JPH3: variants seen among roughly 807,000 people sequenced by gnomAD.
JPH3 encodes junctophilin 3.
Under a neutral mutation model 59.6 loss-of-function variants are expected in JPH3, and 11 were observed. That is an observed-to-expected ratio of 0.18 (90% CI 0.12 to 0.31). The LOEUF is 0.31. Ranked by LOEUF, JPH3 falls within the 10% of genes least tolerant of loss-of-function variation. The probability of loss-of-function intolerance (pLI) is 1.00; values close to 1 mark genes in which losing one functional copy is unlikely to be tolerated. For synonymous variants in JPH3, 673 were observed against 483.6 expected (o/e 1.39, Z -5.14); for missense variants, 1,202 against 1,105.7 (o/e 1.09, Z -1.24).
rs9934067 is a variant in JPH3 at position 87,644,470 on chromosome 16, G to T, written c.595G>T (p.Val199Leu). Residue 199 changes from valine to leucine, a missense_variant, in exon 2 of 5, where the codon GTG (valine) becomes TTG (leucine). Physicochemically the swap from Val to Leu is conservative, Grantham distance 32. Coordinates refer to ENST00000284262, the MANE Select transcript of JPH3 (RefSeq NM_020655.4). ...CGTGTCCCGCGGGGGCTTCGTGCTC[G>T]TGGCCCACAGTGACTCCGAGATCCT... Reference protein sequence around the residue: ...PAVSRGGFVLVAHSDSEILKS... With the variant: ...PAVSRGGFVLLAHSDSEILKS... The T allele has an allele frequency of 1.2e-6, 2 of 1,612,590 alleles. No individual in the cohort carries two copies. The highest frequency in any genetic ancestry group is 2.7e-5 in the African/African-American group (2 of 74,928).
intron 2 of JPH3, among the ~76,000 whole-genome samples, chr16:87,679,138 G>C (rs2150871550): frequency 6.6e-6 from 1 of 152,348 alleles, no homozygotes; most frequent in Admixed American, 6.5e-5. Context: ...AGGCTCAGCT[G>C]AGAGCTCCTC....
At chr16:87,607,339 C>G (rs2030559324) in intron 1 of JPH3, among the ~76,000 whole-genome samples, 1 of 152,208 alleles carries the variant, frequency 6.6e-6, no homozygotes, top group African/African-American at 2.4e-5. Flanking sequence ...CATCTCACGC[C>G]CAAGCCTCTC....
At chr16:87,641,656 T>C (rs2031956858) in intron 1 of JPH3, among the ~76,000 whole-genome samples, 2 of 152,246 alleles carry the variant, frequency 1.3e-5, no homozygotes, top group Admixed American at 6.5e-5. Context: ...AGAGGCTGCG[T>C]TGCCGATTCC....
intron 2 of JPH3, among the ~76,000 whole-genome samples, chr16:87,663,738 C>T (rs1225993452): frequency 6.6e-6 from 1 of 152,218 alleles, no homozygotes; most frequent in Non-Finnish European, 1.5e-5. Context: ...ACCAGCTCTC[C>T]AGCCCACCTC....
At chr16:87,663,865 C>G (rs1383894401) in intron 2 of JPH3, among the ~76,000 whole-genome samples, 2 of 150,172 alleles carry the variant, frequency 1.3e-5, no homozygotes, top group African/African-American at 5.1e-5. Context: ...TTTTGAGTGC[C>G]CTTTCCCTAA....
chr16:87,635,317 G>T (rs1037199329), intron 1 of JPH3, among the ~76,000 whole-genome samples: 2 of 152,196 alleles, frequency 1.3e-5, no homozygotes, highest in African/African-American at 4.8e-5. Flanking sequence ...TGGGACCCCG[G>T]GCTCCGAAAC....
intron 1 of JPH3, among the ~76,000 whole-genome samples, chr16:87,638,657 C>T (rs905970120): frequency 1.3e-5 from 2 of 151,916 alleles, no homozygotes; most frequent in African/African-American, 2.4e-5. Context: ...TACCGGGACC[C>T]GGGGTCCCTG....
intron 1 of JPH3, among the ~76,000 whole-genome samples, chr16:87,618,578 T>C (rs961085972): frequency 5.9e-5 from 9 of 152,178 alleles, no homozygotes; most frequent in African/African-American, 1.7e-4. Context: ...CCCCAGCCTT[T>C]TTCCACCTGG....
At chr16:87,680,352 C>CTGCGCCCGGAAGGAAGCGGTA (rs1555542427) in intron 2 of JPH3, among the ~76,000 whole-genome samples, 1 of 150,922 alleles carries the variant, frequency 6.6e-6, no homozygotes, top group African/African-American at 2.4e-5. Context: ...TGTGGAGGGG[C>CTGCGCCCGGAAGGAAGCGGTA]TGCGCCCGGA....
At chr16:87,620,288 G>T (rs1205646594) in intron 1 of JPH3, among the ~76,000 whole-genome samples, 6 of 151,434 alleles carry the variant, frequency 4.0e-5, no homozygotes, top group African/African-American at 1.5e-4. Context: ...GGCCAGGGGG[G>T]TGGGGCTGCA....
intron 3 of JPH3, among the ~76,000 whole-genome samples, chr16:87,688,201 AC>A (rs2033464719): frequency 6.6e-6 from 1 of 150,790 alleles, no homozygotes; most frequent in African/African-American, 2.4e-5. Flanking sequence ...GCCCACCCAC[AC>A]CCCCGTGTGA....
rs1597310906 is a variant in JPH3, at chr16:87,697,168, A to C, written c.*508A>C. 1 of 181,144 alleles carries C rather than the reference A, an allele frequency of 5.5e-6. No individual in the cohort carries two copies. Among genetic ancestry groups the C allele is most frequent in the Non-Finnish European group, 1.2e-5 (1 of 84,892 alleles). 11.2% of individuals were successfully genotyped at this position (181,144 alleles called of 1,614,324 possible). A position where few individuals can be genotyped will look rare whatever the true frequency, so the allele number is the denominator to read the frequency against. ...CAGGAGGCATGGGGCAGGGTGGCCC[A>C]CCCCAGTGGGCAGTAGCCTGGCCTT... On this transcript the variant is annotated 3_prime_UTR_variant, in exon 5 of 5. Transcript: ENST00000284262.
chr16:87,617,738 C>T (rs2031024997), intron 1 of JPH3, among the ~76,000 whole-genome samples: 1 of 151,862 alleles, frequency 6.6e-6, no homozygotes, highest in African/African-American at 2.4e-5. Flanking sequence ...GGTGCAGGAG[C>T]TGAGAGTCAC....
chr16:87,640,015 C>T (rs572436143), intron 1 of JPH3, among the ~76,000 whole-genome samples: 1 of 152,204 alleles, frequency 6.6e-6, no homozygotes, highest in Admixed American at 6.5e-5. Context: ...CCAGGGTCAT[C>T]CTCCACTTTG....
At chr16:87,624,661 C>T (rs1022423796) in intron 1 of JPH3, among the ~76,000 whole-genome samples, 7 of 152,248 alleles carry the variant, frequency 4.6e-5, no homozygotes, top group Admixed American at 2.0e-4. Flanking sequence ...TATCCTGAGT[C>T]GTGCTGCTGT....
intron 1 of JPH3, chr16:87,604,475 G>C: frequency 7.4e-7 from 1 of 1,358,126 alleles, no homozygotes; most frequent in Non-Finnish European, 9.7e-7. Context: ...TGGCTTCCCC[G>C]ACCAGTCCAC....
chr16:87,654,671 G>A (rs962586492), intron 2 of JPH3: 1 of 152,312 alleles, frequency 6.6e-6, no homozygotes, highest in African/African-American at 2.4e-5. Context: ...CCAGAGTCAT[G>A]ACCATCAGCA....
chr16:87,647,775 C>G (rs944514880), intron 2 of JPH3, among the ~76,000 whole-genome samples: 1 of 152,184 alleles, frequency 6.6e-6, no homozygotes, highest in Non-Finnish European at 1.5e-5. Context: ...CCAGGGTGTA[C>G]GGCTGCACAG....
At chr16:87,663,661 C>T (rs908048763) in intron 2 of JPH3, among the ~76,000 whole-genome samples, 1 of 152,168 alleles carries the variant, frequency 6.6e-6, no homozygotes, top group African/African-American at 2.4e-5. Flanking sequence ...CCCCAGCCGC[C>T]CCAGGGACCC....
Sources: allele counts gnomAD v4.1 joint callset (sites outside exome capture counted in the v4.1 genomes callset), GRCh38; gene constraint gnomAD v4.1.1; transcripts MANE v1.5; gene names NCBI Gene and HGNC (gene_info 2026-07-23, HGNC 2026-07-21).